TMC3: variants seen among roughly 807,000 people sequenced by gnomAD.
TMC3 encodes the protein transmembrane channel like 3.
In TMC3, 98 loss-of-function variants were observed where a neutral mutation model predicts 110.6. The observed-to-expected ratio is 0.89, with a 90% CI of 0.75 to 1.05. TMC3 has a LOEUF of 1.05. Among genes scored for constraint, TMC3 ranks in the 50% least tolerant of loss-of-function variants. The probability of loss-of-function intolerance (pLI) is 0.00; values close to 1 mark genes in which losing one functional copy is unlikely to be tolerated. For missense variants in TMC3, 1,319 were observed against 1,373.2 expected (o/e 0.96, Z 0.62); for synonymous variants, 489 against 513.1 (o/e 0.95, Z 0.63).
At chr15:81,340,046 C>G (rs967486533) in intron 16 of TMC3, among the ~76,000 whole-genome samples, 3 of 152,226 alleles carry the variant, frequency 2.0e-5, no homozygotes, top group African/African-American at 7.2e-5. Context: ...AAGCCCCGGT[C>G]CCTGAGCCCT....
chr15:81,336,481 T>C, intron 20 of TMC3, 128 bp downstream of exon 20: 1 of 815,804 alleles, frequency 1.2e-6, no homozygotes, highest in Non-Finnish European at 2.0e-6. Flanking sequence ...GGCAGGAGAA[T>C]CACTTGAACC....
Position 81,345,016 on chromosome 15 carries a change from G to GGGGA in TMC3, c.1273-6_1273-5insTCCC, listed in dbSNP as rs1893796302. 1 of 1,002,016 alleles carries GGGGA rather than the reference G, an allele frequency of 1.0e-6. No homozygotes were observed. Among genetic ancestry groups the GGGGA allele is most frequent in the Non-Finnish European group, 1.4e-6 (1 of 734,916 alleles). 62.1% of individuals were successfully genotyped at this position (1,002,016 alleles called of 1,614,324 possible). A position where few individuals can be genotyped will look rare whatever the true frequency, so the allele number is the denominator to read the frequency against. ...GTTATTTTTGGTAGCCATTTCCTGG[G>GGGGA]GAGAGAGAGAGAGAGAGAGAGGGAA... On this transcript the variant is annotated splice_polypyrimidine_tract_variant and splice_region_variant and intron_variant, in intron 12 of 21. Coordinates refer to ENST00000359440, the MANE Select transcript of TMC3 (RefSeq NM_001080532.3).
At chr15:81,339,048 G>A (rs559088735) in intron 17 of TMC3, among the ~76,000 whole-genome samples, 1 of 152,328 alleles carries the variant, frequency 6.6e-6, no homozygotes, top group East Asian at 1.9e-4. Context: ...AGAGGGTTTT[G>A]CTTGAATACA....
chr15:81,337,780 C>T (rs1004279821), intron 19 of TMC3, 66 bp downstream of exon 19: 59 of 1,390,044 alleles, frequency 4.2e-5, no homozygotes, highest in African/African-American at 2.8e-4. Context: ...TGTATTCCCA[C>T]GCTGGCGGGA....
intron 10 of TMC3, among the ~76,000 whole-genome samples, chr15:81,351,348 C>CTTTTTT (rs35807579): frequency 5.9e-5 from 6 of 101,310 alleles, no homozygotes; most frequent in Admixed American, 9.3e-5. Context: ...CTCTCTCTCT[C>CTTTTTT]TTTTTTTTTT....
chr15:81,341,867 C>T (rs1469121492), intron 15 of TMC3, among the ~76,000 whole-genome samples: 1 of 152,224 alleles, frequency 6.6e-6, no homozygotes, highest in African/African-American at 2.4e-5. Context: ...ATGATGAGGA[C>T]TGTGCTAATA....
chr15:81,341,539 A>G (rs2141697019), intron 15 of TMC3, 21 bp from the exon 16 acceptor site: 1 of 1,604,444 alleles, frequency 6.2e-7, no homozygotes, highest in Non-Finnish European at 8.5e-7. Context: ...GAGGAAGGTC[A>G]GTTTGCATCT....
chr15:81,356,301 G>T, intron 8 of TMC3, 146 bp downstream of exon 8: 1 of 685,316 alleles, frequency 1.5e-6, no homozygotes. Flanking sequence ...ATTTCCTGGA[G>T]CATGTTCACC....
At chr15:81,356,298 G>T in intron 8 of TMC3, 149 bp downstream of exon 8, 1 of 667,214 alleles carries the variant, frequency 1.5e-6, no homozygotes. Context: ...TACATTTCCT[G>T]GAGCATGTTC....
chr15:81,350,040 T>C (rs1192192198), intron 10 of TMC3, among the ~76,000 whole-genome samples: 1 of 145,706 alleles, frequency 6.9e-6, no homozygotes, highest in Non-Finnish European at 1.5e-5. Flanking sequence ...TGAGGCCAGG[T>C]GTTTAAGACC....
intron 13 of TMC3, 79 bp downstream of exon 13, chr15:81,344,687 G>T: frequency 1.5e-6 from 2 of 1,374,612 alleles, no homozygotes; most frequent in Non-Finnish European, 1.0e-6. Flanking sequence ...TAACATAGGG[G>T]CAGTGACAGC....
At position 81,369,035 on chromosome 15, in the gene TMC3, A is replaced by G. The variant is rs546483724; in HGVS notation, c.237-707T>C. Among the ~76,000 whole-genome samples the G allele has an allele frequency of 1.3e-3, 204 of 152,288 alleles. 1 individual carries two copies. The highest frequency in any genetic ancestry group is 4.6e-3 in the African/African-American group (192 of 41,570). On this transcript the variant is annotated intron_variant, in intron 2 of 21. Transcript: ENST00000359440. ...CTTAGAGAGAAGAATGTCACCTTCA[A>G]GGTAACCTAATCATATACCACCCCA...
intron 10 of TMC3, among the ~76,000 whole-genome samples, chr15:81,349,967 A>AC (rs1289259745): frequency 1.3e-5 from 2 of 151,400 alleles, no homozygotes; most frequent in Non-Finnish European, 2.9e-5. Context: ...TACAAAAAAA[A>AC]AAAAAAAGCT....
At chr15:81,369,872 G>A (rs1044913819) in intron 2 of TMC3, among the ~76,000 whole-genome samples, 1 of 152,214 alleles carries the variant, frequency 6.6e-6, no homozygotes, top group African/African-American at 2.4e-5. Context: ...GCTGTGGTGA[G>A]CTGTGATCCA....
chr15:81,342,951 G>C (rs1893746079), intron 15 of TMC3: 2 of 243,438 alleles, frequency 8.2e-6, no homozygotes. Flanking sequence ...AGCCACTCCT[G>C]AAGTCCTCAC....
At position 81,331,109 on chromosome 15, in the gene TMC3, T is replaced by A. The variant is rs142887908; in HGVS notation, c.*1310A>T. The A allele has an allele frequency of 8.7e-3, 1,325 of 152,302 alleles. 18 individuals carry two copies. Among genetic ancestry groups the A allele is most frequent in the Middle Eastern group, 0.054 (16 of 294 alleles). 9.4% of individuals were successfully genotyped at this position (152,302 alleles called of 1,614,324 possible). The stretch of plus-strand genomic sequence containing the variant: ...AGAGTGAGTTCAGGAAAGGTCTTTA[T>A]TAAAAGGTGATCACCTGGCTCAGTA... On this transcript the variant is annotated 3_prime_UTR_variant, in exon 22 of 22. Coordinates refer to ENST00000359440, the MANE Select transcript of TMC3 (RefSeq NM_001080532.3).
intron 16 of TMC3, among the ~76,000 whole-genome samples, chr15:81,340,414 A>T (rs1006337246): frequency 7.9e-5 from 12 of 152,232 alleles, no homozygotes; most frequent in African/African-American, 2.9e-4. Flanking sequence ...ATATCAAAAC[A>T]TATCTCTGAA....
At chr15:81,353,390 C>T (rs1281423739) in intron 9 of TMC3, among the ~76,000 whole-genome samples, 4 of 152,184 alleles carry the variant, frequency 2.6e-5, no homozygotes, top group African/African-American at 7.2e-5. Context: ...CGCTAGTATG[C>T]AGTTGTGTCC....
At position 81,337,873 on chromosome 15, in the gene TMC3, G is replaced by T; in HGVS notation, c.2133C>A (p.Asn711Lys). The change falls in exon 19 of 22, where the codon AAC becomes AAA. Residue 711 changes from asparagine (N) to lysine (K), a missense_variant. Coordinates refer to ENST00000359440, the MANE Select transcript of TMC3 (RefSeq NM_001080532.3). ...QSIARSLKLSNHQLKMQIQNA... is the reference protein window; with the variant it reads ...QSIARSLKLSKHQLKMQIQNA... ...TTTGGATCTGCATTTTGAGCTGGTG[G>T]TTGCTGAGCTTTAGAGACCGTGCGA... is the stretch of plus-strand genomic sequence containing the variant. 3 of 1,613,982 alleles carry T rather than the reference G, an allele frequency of 1.9e-6. No homozygotes were observed. The highest frequency in any genetic ancestry group is 1.7e-6 in the Non-Finnish European group (2 of 1,179,852).
Sources: allele counts gnomAD v4.1 joint callset (sites outside exome capture counted in the v4.1 genomes callset), GRCh38; gene constraint gnomAD v4.1.1; transcripts MANE v1.5; gene names NCBI Gene and HGNC (gene_info 2026-07-23, HGNC 2026-07-21).